The following PRSS23 variants were observed in gnomAD, a reference collection of about 807,000 sequenced individuals.
PRSS23 encodes protease, serine 23.
In PRSS23, 25 loss-of-function variants were observed where a neutral mutation model predicts 34.7. The ratio of observed to expected loss-of-function variants is 0.72; its 90% CI spans 0.53 to 1.01. PRSS23 has a LOEUF of 1.01. Ranked by LOEUF, PRSS23 falls within the 50% of genes least tolerant of loss-of-function variation. The pLI, the probability that PRSS23 is intolerant of heterozygous loss-of-function variation, is 0.00. For missense variants in PRSS23, 445 were observed against 475.6 expected, an observed-to-expected ratio of 0.94 and a Z score of 0.60; for synonymous variants, 176 against 186.6, an observed-to-expected ratio of 0.94 and a Z score of 0.46.
intron 2 of PRSS23, among the ~76,000 whole-genome samples, chr11:86,851,526 A>T (rs1167800700): frequency 6.6e-6 from 1 of 152,248 alleles, no homozygotes; most frequent in African/African-American, 2.4e-5. Context: ...GGTTGGATGC[A>T]GGGAGAGGAC....
chr11:86,893,475 A>G lies in PRSS23; in HGVS notation c.207-57741A>G, dbSNP rs182278979. ...ATTTGTTGTGACTCATGATTGGGAG[A>G]AACATTGTTCTGCTATGTCTCTCAT... On this transcript the variant is annotated intron_variant, in intron 2 of 2. Coordinates refer to the PRSS23 transcript ENST00000533902. Among the ~76,000 whole-genome samples, 22 of 152,310 alleles carry G rather than the reference A, an allele frequency of 1.4e-4. No homozygotes were observed. The East Asian group carries it at 2.7e-3, about 19-fold the overall frequency.
intron 1 of PRSS23, among the ~76,000 whole-genome samples, chr11:86,803,214 A>G (rs1948060905): frequency 6.6e-6 from 1 of 152,214 alleles, no homozygotes; most frequent in African/African-American, 2.4e-5. Flanking sequence ...ATCCAGACTT[A>G]GGTAAAAGGG....
chr11:86,864,437 C>G (rs567190306), intron 2 of PRSS23, among the ~76,000 whole-genome samples: 1 of 152,184 alleles, frequency 6.6e-6, no homozygotes, highest in Non-Finnish European at 1.5e-5. Context: ...GGAAGGACCA[C>G]GTAGTCATGC....
intron 2 of PRSS23, among the ~76,000 whole-genome samples, chr11:86,894,321 G>A (rs895346793): frequency 2.0e-5 from 3 of 152,162 alleles, no homozygotes; most frequent in Non-Finnish European, 4.4e-5. Context: ...GAATTTGTTT[G>A]CATATGGAAA....
intron 2 of PRSS23, among the ~76,000 whole-genome samples, chr11:86,945,445 GTGTTAC>G (rs1949234944): frequency 1.3e-5 from 2 of 152,062 alleles, no homozygotes; most frequent in African/African-American, 4.8e-5. Context: ...ACCTACTTGA[GTGTTAC>G]TGATGACCAT....
intron 2 of PRSS23, among the ~76,000 whole-genome samples, chr11:86,906,789 A>G (rs1188800542): frequency 1.3e-5 from 2 of 152,166 alleles, no homozygotes; most frequent in African/African-American, 4.8e-5. Context: ...CCCTGTGAAC[A>G]TTTTAGGTAC....
chr11:86,814,304 AG>A (rs1948200034), downstream of PRSS23, among the ~76,000 whole-genome samples: 1 of 152,094 alleles, frequency 6.6e-6, no homozygotes, highest in Non-Finnish European at 1.5e-5. Context: ...AAGAGGGCTG[AG>A]GACAGAGTCC....
At chr11:86,941,902 G>A (rs1270390420) in intron 2 of PRSS23, among the ~76,000 whole-genome samples, 2 of 152,090 alleles carry the variant, frequency 1.3e-5, no homozygotes, top group Admixed American at 6.5e-5. Flanking sequence ...CATCTAACAA[G>A]GTTAAAACCC....
At chr11:86,825,375 T>C (rs1391782419) in intron 2 of PRSS23, among the ~76,000 whole-genome samples, 2 of 152,242 alleles carry the variant, frequency 1.3e-5, no homozygotes, top group Non-Finnish European at 2.9e-5. Context: ...AGATTCCGGA[T>C]ATTAGCCCTT....
chr11:86,901,613 A>G lies in PRSS23; in HGVS notation c.207-49603A>G, dbSNP rs973110485. Among the ~76,000 whole-genome samples, 5 of 152,294 alleles carry G rather than the reference A, an allele frequency of 3.3e-5. No homozygotes were observed. In the East Asian group the frequency reaches 9.7e-4, roughly 29 times the overall value. On this transcript the variant is annotated intron_variant, in intron 2 of 2. Transcript: ENST00000533902. ...GAAGGTGCATTTATCAAAACCAGAA[A>G]GCCTCTAATTCAAAGTCTCTTGAGA...
chr11:86,792,070 C>T (rs1947955241), intron 1 of PRSS23, among the ~76,000 whole-genome samples: 2 of 152,140 alleles, frequency 1.3e-5, no homozygotes, highest in Admixed American at 1.3e-4. Flanking sequence ...TCCCAATGTG[C>T]TGATTATTTT....
At chr11:86,951,225 A>C in exon 3 of PRSS23, 1 of 1,613,968 alleles carries the variant, frequency 6.2e-7, no homozygotes, top group African/African-American at 1.3e-5. Context: ...GAATTCACCA[A>C]TCTGTTGGAA....
chr11:86,841,926 AT>A (rs1300586772), intron 2 of PRSS23, among the ~76,000 whole-genome samples: 1 of 152,244 alleles, frequency 6.6e-6, no homozygotes, highest in African/African-American at 2.4e-5. Context: ...TCCCTAACTC[AT>A]TTTATAAGAC....
exon 3 of PRSS23, chr11:86,951,971 T>C (rs770144336): frequency 1.2e-6 from 2 of 1,614,078 alleles, no homozygotes; most frequent in Non-Finnish European, 8.5e-7. Flanking sequence ...ATAAATATTA[T>C]AGCACATACT....
intron 2 of PRSS23, among the ~76,000 whole-genome samples, chr11:86,859,915 T>C (rs1948601248): frequency 6.6e-6 from 1 of 152,004 alleles, no homozygotes; most frequent in South Asian, 2.1e-4. Context: ...GCAGGGGTTA[T>C]ACACACCCCC....
At chr11:86,861,190 G>A (rs1948611323) in intron 2 of PRSS23, among the ~76,000 whole-genome samples, 1 of 151,628 alleles carries the variant, frequency 6.6e-6, no homozygotes, top group African/African-American at 2.4e-5. Context: ...TGTCACGGGG[G>A]GTGTCCACCC....
intron 2 of PRSS23, chr11:86,832,617 C>A: frequency 2.0e-6 from 1 of 494,502 alleles, no homozygotes; most frequent in Non-Finnish European, 4.0e-6. Context: ...GGGGTGATCA[C>A]CGTGTACATC....
At chr11:86,870,095 A>G (rs780709494) in intron 2 of PRSS23, among the ~76,000 whole-genome samples, 1 of 152,172 alleles carries the variant, frequency 6.6e-6, no homozygotes, top group Non-Finnish European at 1.5e-5. Context: ...AAAGATTCAA[A>G]TGATCTTTTT....
At chr11:86,816,593 T>C (rs1174912190) in intron 1 of PRSS23, among the ~76,000 whole-genome samples, 1 of 152,244 alleles carries the variant, frequency 6.6e-6, no homozygotes, top group Non-Finnish European at 1.5e-5. Flanking sequence ...ATGCCATGTT[T>C]GGTAAACTAA....
Sources: allele counts gnomAD v4.1 joint callset (sites outside exome capture counted in the v4.1 genomes callset), GRCh38; gene constraint gnomAD v4.1.1; transcripts MANE v1.5; gene names NCBI Gene and HGNC (gene_info 2026-07-23, HGNC 2026-07-21).